SLC5A11: variants seen among roughly 807,000 people sequenced by gnomAD.
SLC5A11 encodes the protein sodium/myo-inositol cotransporter 2.
Under a neutral mutation model 69.8 loss-of-function variants are expected in SLC5A11, and 48 were observed. The observed-to-expected ratio is 0.69, with a 90% confidence interval of 0.55 to 0.87. SLC5A11 has a LOEUF of 0.87. Among genes scored for constraint, SLC5A11 ranks in the 40% least tolerant of loss-of-function variants. The probability of loss-of-function intolerance (pLI) is 0.00; values close to 1 mark genes in which losing one functional copy is unlikely to be tolerated. For missense variants in SLC5A11, 784 were observed against 866.1 expected (o/e 0.91, Z 1.19); for synonymous variants, 319 against 342.4 (o/e 0.93, Z 0.75).
chr16:24,897,101 C>T (rs756050590), intron 9 of SLC5A11, among the ~76,000 whole-genome samples: 67 of 151,752 alleles, frequency 4.4e-4, no homozygotes, highest in Non-Finnish European at 6.6e-4. Flanking sequence ...TACAAGTGTG[C>T]GCCAATGCAC....
At chr16:24,886,618 G>A (rs890539697) in intron 8 of SLC5A11, among the ~76,000 whole-genome samples, 5 of 152,086 alleles carry the variant, frequency 3.3e-5, no homozygotes, top group African/African-American at 4.8e-5. Context: ...CTGTGTCTTA[G>A]GCAAAATCGA....
intron 4 of SLC5A11, among the ~76,000 whole-genome samples, chr16:24,870,592 C>T (rs1251764177): frequency 6.6e-6 from 1 of 151,624 alleles, no homozygotes; most frequent in African/African-American, 2.4e-5. Context: ...CCAGCCTGGC[C>T]AACATGGTGA....
intron 13 of SLC5A11, 63 bp from the exon 15 acceptor site, chr16:24,908,818 C>T: frequency 6.5e-7 from 1 of 1,534,386 alleles, no homozygotes; most frequent in South Asian, 1.2e-5. Flanking sequence ...GAGATGGCTT[C>T]TTGAGGTTCC....
intron 9 of SLC5A11, among the ~76,000 whole-genome samples, chr16:24,893,888 GACCT>G (rs1449611093): frequency 6.6e-6 from 1 of 152,044 alleles, no homozygotes; most frequent in Non-Finnish European, 1.5e-5. Flanking sequence ...CTGAACTTCT[GACCT>G]ACAGCTCTCT....
At chr16:24,880,812 A>G (rs963160497) in intron 7 of SLC5A11, among the ~76,000 whole-genome samples, 1 of 152,056 alleles carries the variant, frequency 6.6e-6, no homozygotes, top group African/African-American at 2.4e-5. Context: ...ACAGAGCCAA[A>G]CCATATCACA....
At chr16:24,879,143 TG>T (rs922955111) in intron 7 of SLC5A11, among the ~76,000 whole-genome samples, 1 of 152,040 alleles carries the variant, frequency 6.6e-6, no homozygotes, top group Admixed American at 6.6e-5. Context: ...TTTGGTTTTT[TG>T]TTTTTTTTTT....
At chr16:24,896,003 A>G (rs2049135086) in intron 9 of SLC5A11, among the ~76,000 whole-genome samples, 1 of 151,836 alleles carries the variant, frequency 6.6e-6, no homozygotes, top group Non-Finnish European at 1.5e-5. Context: ...TTGATGATTT[A>G]GTGAGGACTC....
chr16:24,902,027 A>G (rs1413896242), intron 10 of SLC5A11, among the ~76,000 whole-genome samples: 1 of 149,478 alleles, frequency 6.7e-6, no homozygotes, highest in South Asian at 2.1e-4. Context: ...TGGGAGAATC[A>G]CTTGAGCCTG....
At chr16:24,877,179 C>T in intron 6 of SLC5A11, 79 bp from the exon 8 acceptor site, 1 of 1,577,822 alleles carries the variant, frequency 6.3e-7, no homozygotes, top group Non-Finnish European at 8.6e-7. Flanking sequence ...GGCCCTGATC[C>T]CAGGGAACCT....
At chr16:24,889,543 ATTTTT>A (rs71156454) in intron 8 of SLC5A11, among the ~76,000 whole-genome samples, 3 of 74,346 alleles carry the variant, frequency 4.0e-5, no homozygotes, top group African/African-American at 1.7e-4. Flanking sequence ...AGGTCTTACA[ATTTTT>A]TTTTTTTTTT....
At chr16:24,907,878 C>T (rs903243186) in intron 12 of SLC5A11, 85 bp from the exon 14 acceptor site, 69 of 1,541,184 alleles carry the variant, frequency 4.5e-5, no homozygotes, top group Non-Finnish European at 5.8e-5. Context: ...AGAACAAGAC[C>T]CTGTCTATTA....
At position 24,895,030 on chromosome 16, in the gene SLC5A11, T is replaced by G. The variant is rs185815138; in HGVS notation, c.871-2944T>G. 1.2e-3 allele frequency among the ~76,000 whole-genome samples: 176 copies of G among 150,624 alleles called. 3 individuals carry two copies. The East Asian group carries it at 0.032, about 28-fold the overall frequency. The stretch of plus-strand genomic sequence containing the variant: ...GTCCCAGCTACTTGGGATGCTGAGG[T>G]GGGAGGATCACTTTAGCTCTGGAGT... On this transcript the variant is annotated intron_variant, in intron 9 of 15. Transcript: ENST00000347898.
exon 5 of SLC5A11, chr16:24,872,160 G>A (rs1466184502): frequency 6.2e-7 from 1 of 1,613,962 alleles, no homozygotes; most frequent in Non-Finnish European, 8.5e-7. Context: ...TCTTGAGCAG[G>A]GCTTGTTTTC....
At chr16:24,873,323 G>C (rs2047456015) in intron 5 of SLC5A11, among the ~76,000 whole-genome samples, 1 of 150,756 alleles carries the variant, frequency 6.6e-6, no homozygotes, top group South Asian at 2.1e-4. Context: ...AATGTACCCT[G>C]CAAGCCTTTA....
intron 4 of SLC5A11, among the ~76,000 whole-genome samples, chr16:24,871,007 GA>G (rs1184710890): frequency 1.3e-5 from 2 of 152,104 alleles, no homozygotes; most frequent in African/African-American, 4.8e-5. Flanking sequence ...GCTCATTTGG[GA>G]TATGATTTTT....
chr16:24,898,610 C>T (rs2049358012), intron 10 of SLC5A11, among the ~76,000 whole-genome samples: 2 of 151,788 alleles, frequency 1.3e-5, no homozygotes, highest in Admixed American at 1.3e-4. Flanking sequence ...GCTCTGCCTC[C>T]TGGGTTCACG....
At chr16:24,882,726 A>G (rs1002459168) in intron 7 of SLC5A11, among the ~76,000 whole-genome samples, 2 of 152,082 alleles carry the variant, frequency 1.3e-5, no homozygotes, top group African/African-American at 4.8e-5. Context: ...GCTCACTGCA[A>G]CCTCTGCCTC....
intron 1 of SLC5A11, among the ~76,000 whole-genome samples, chr16:24,847,545 G>T (rs1199930198): frequency 1.3e-5 from 2 of 151,956 alleles, no homozygotes; most frequent in Non-Finnish European, 2.9e-5. Context: ...TTGTACAAAT[G>T]GGGTCTCCCT....
At chr16:24,885,824 C>T (rs2048360645) in intron 8 of SLC5A11, among the ~76,000 whole-genome samples, 1 of 151,816 alleles carries the variant, frequency 6.6e-6, no homozygotes, top group African/African-American at 2.4e-5. Flanking sequence ...ATCCTGAACT[C>T]TATGAAACAT....
Sources: allele counts gnomAD v4.1 joint callset (sites outside exome capture counted in the v4.1 genomes callset), GRCh38; gene constraint gnomAD v4.1.1; transcripts MANE v1.5; gene names NCBI Gene and HGNC (gene_info 2026-07-23, HGNC 2026-07-21).